The following N4BP2 variants were observed in gnomAD, a reference collection of about 807,000 sequenced individuals.
N4BP2 encodes NEDD4 binding protein 2.
N4BP2 carries 91 observed loss-of-function variants against 152.8 expected under a neutral mutation model. That is an observed-to-expected ratio of 0.60 (90% CI 0.50 to 0.71). The LOEUF (loss-of-function observed/expected upper bound fraction) is 0.71. N4BP2 is among the 30% of genes least tolerant of loss of function. The probability of loss-of-function intolerance (pLI) is 0.00; values close to 1 mark genes in which losing one functional copy is unlikely to be tolerated. For synonymous variants in N4BP2, 646 were observed against 705.3 expected (o/e 0.92, Z 1.33); for missense variants, 1,923 against 2,059.1 (o/e 0.93, Z 1.28).
intron 1 of N4BP2, among the ~76,000 whole-genome samples, chr4:40,057,636 T>C (rs1733310498): frequency 1.3e-5 from 2 of 152,164 alleles, no homozygotes; most frequent in Non-Finnish European, 2.9e-5. Flanking sequence ...TGCAACTTTG[T>C]CCCTCAATGG....
chr4:40,127,763 C>G (rs754846467), intron 12 of N4BP2, among the ~76,000 whole-genome samples: 1 of 152,032 alleles, frequency 6.6e-6, no homozygotes, highest in Non-Finnish European at 1.5e-5. Flanking sequence ...CGGGTTCATG[C>G]CATTCTCCTG....
At chr4:40,159,937 A>C (rs1486530191), downstream of N4BP2, among the ~76,000 whole-genome samples, 1 of 151,852 alleles carries the variant, frequency 6.6e-6, no homozygotes, top group Non-Finnish European at 1.5e-5. Flanking sequence ...GCAGTGGTGC[A>C]GTCTCCCAAG....
intron 12 of N4BP2, among the ~76,000 whole-genome samples, chr4:40,127,522 T>A (rs1692397238): frequency 6.6e-6 from 1 of 152,122 alleles, no homozygotes; most frequent in South Asian, 2.1e-4. Context: ...GCCAGCTGCA[T>A]CTTTTTCAGC....
chr4:40,086,413 C>G, intron 2 of N4BP2, among the ~76,000 whole-genome samples: 1 of 152,142 alleles, frequency 6.6e-6, no homozygotes, highest in East Asian at 1.9e-4. Context: ...TGTTGGCTCA[C>G]TGCAACCTCC....
intron 1 of N4BP2, among the ~76,000 whole-genome samples, chr4:40,070,535 A>T (rs886961472): frequency 6.6e-6 from 1 of 151,554 alleles, no homozygotes; most frequent in African/African-American, 2.4e-5. Flanking sequence ...TGCAGCCTTG[A>T]CCTCCCAGGC....
chr4:40,168,377 G>A, the N4BP2 span, among the ~76,000 whole-genome samples: 6 of 152,024 alleles, frequency 3.9e-5, no homozygotes, highest in Admixed American at 3.9e-4. Context: ...AATTGGAAAA[G>A]CAATACTACA....
In N4BP2 at chr4:40,120,158, A is replaced by T; in HGVS notation, c.2047A>T (p.Met683Leu). The T allele has an allele frequency of 1.2e-6, 2 of 1,613,326 alleles. No homozygotes were observed. The highest frequency in any genetic ancestry group is 2.2e-5 in the East Asian group (1 of 44,854). ...QSALILETPH[M>L]YFSDSESKLQ... is the part of the protein sequence containing the mutation. ...TGCTTTAATTCTGGAAACTCCACAC[A>T]TGTATTTTTCTGACTCTGAAAGCAA... The change falls in exon 9 of 18, where the codon ATG becomes TTG. Residue 683 changes from methionine to leucine, a missense_variant. By Grantham distance (15) the Met-to-Leu change is conservative. Coordinates refer to ENST00000261435, the MANE Select transcript of N4BP2 (RefSeq NM_018177.6).
intron 2 of N4BP2, 97 bp from the exon 3 acceptor site, chr4:40,097,130 T>G (rs1179801861): frequency 1.0e-5 from 5 of 484,792 alleles, no homozygotes; most frequent in Non-Finnish European, 1.5e-5. Flanking sequence ...GCTGTTAGAG[T>G]TGGTGGTACT....
rs1277322026 is a variant in N4BP2 at position 40,113,438 on chromosome 4, A to C, written c.1594A>C (p.Lys532Gln). The C allele has an allele frequency of 6.2e-7, 1 of 1,609,502 alleles. No homozygotes were observed. Among genetic ancestry groups the C allele is most frequent in the Non-Finnish European group, 8.5e-7 (1 of 1,176,338 alleles). Residue 532 changes from lysine to glutamine, a missense_variant, in exon 7 of 18, where the codon AAA becomes CAA. Physicochemically the swap from Lys to Gln is moderately conservative, Grantham distance 53. Coordinates refer to ENST00000261435, the MANE Select transcript of N4BP2 (RefSeq NM_018177.6). The part of the protein sequence containing the change: ...EMKPYVALSQ[K>Q]HKYKVLFREP... Reference sequence around the variant, plus strand: ...TTGTCTTTGTTGTATGTAGTCTCAGAAACACAAATATAAAGTCCTTTTTCG... The same window carrying C: ...TTGTCTTTGTTGTATGTAGTCTCAGCAACACAAATATAAAGTCCTTTTTCG...
intron 2 of N4BP2, among the ~76,000 whole-genome samples, chr4:40,090,027 A>T (rs1714378712): frequency 6.6e-6 from 1 of 152,120 alleles, no homozygotes; most frequent in Non-Finnish European, 1.5e-5. Context: ...TTTGTTGAAA[A>T]GGTGGTCTTT....
chr4:40,184,031 T>C, the N4BP2 span, among the ~76,000 whole-genome samples: 1 of 152,222 alleles, frequency 6.6e-6, no homozygotes, highest in African/African-American at 2.4e-5. Context: ...CAGCCACTCA[T>C]AGCTGCAGGG....
At chr4:40,072,542 C>T (rs1712311652) in intron 1 of N4BP2, among the ~76,000 whole-genome samples, 1 of 151,898 alleles carries the variant, frequency 6.6e-6, no homozygotes, top group African/African-American at 2.4e-5. Context: ...CCGCGCTCGG[C>T]CCACCTGGCT....
intron 1 of N4BP2, among the ~76,000 whole-genome samples, chr4:40,065,829 G>A (rs1332869839): frequency 1.3e-5 from 2 of 152,058 alleles, no homozygotes; most frequent in African/African-American, 4.8e-5. Flanking sequence ...GTAAGAAGTG[G>A]TTGACCGGGG....
intron 7 of N4BP2, among the ~76,000 whole-genome samples, chr4:40,114,014 G>A (rs894235403): frequency 3.3e-5 from 5 of 152,176 alleles, no homozygotes; most frequent in African/African-American, 1.2e-4. Flanking sequence ...GTGATTTAGA[G>A]CACTGGAAGG....
intron 2 of N4BP2, among the ~76,000 whole-genome samples, chr4:40,081,368 G>A (rs113101288): frequency 1.8e-3 from 267 of 152,168 alleles, no homozygotes; most frequent in African/African-American, 6.0e-3. Flanking sequence ...AGTGAAGGCC[G>A]GGCGAGGTGG....
the N4BP2 span, among the ~76,000 whole-genome samples, chr4:40,169,665 A>C: frequency 6.6e-6 from 1 of 151,418 alleles, no homozygotes; most frequent in Non-Finnish European, 1.5e-5. Flanking sequence ...TCTTTAAAAA[A>C]AAAAACAAAA....
intron 2 of N4BP2, among the ~76,000 whole-genome samples, chr4:40,095,952 C>T (rs938899927): frequency 2.6e-5 from 4 of 151,934 alleles, no homozygotes; most frequent in Admixed American, 2.0e-4. Context: ...TATAGGGGGA[C>T]AAAGTTGCAA....
chr4:40,116,240 A>C (rs909579091), intron 7 of N4BP2, among the ~76,000 whole-genome samples: 10 of 152,162 alleles, frequency 6.6e-5, no homozygotes, highest in African/African-American at 2.4e-4. Flanking sequence ...GTCCACCTTG[A>C]CTTTTAACTG....
At chr4:40,141,082 C>T (rs1719884904) in intron 14 of N4BP2, among the ~76,000 whole-genome samples, 1 of 152,050 alleles carries the variant, frequency 6.6e-6, no homozygotes, top group African/African-American at 2.4e-5. Context: ...GTCATCATGG[C>T]CCGTTCTCAA....
Sources: allele counts gnomAD v4.1 joint callset (sites outside exome capture counted in the v4.1 genomes callset), GRCh38; gene constraint gnomAD v4.1.1; transcripts MANE v1.5; gene names NCBI Gene and HGNC (gene_info 2026-07-23, HGNC 2026-07-21).